Variants in CEP43 observed in about 807,000 individuals in gnomAD.
CEP43 encodes centrosomal protein 43, also known as FGFR1 oncogene partner.
CEP43 carries 36 observed loss-of-function variants against 52.6 expected under a neutral mutation model. That is an observed-to-expected ratio of 0.68 (90% CI 0.52 to 0.90). The LOEUF (loss-of-function observed/expected upper bound fraction) is 0.90. Ranked by LOEUF, CEP43 falls within the 40% of genes least tolerant of loss-of-function variation. The pLI, the probability that CEP43 is intolerant of heterozygous loss-of-function variation, is 0.00. For missense variants in CEP43, 506 were observed against 472.8 expected, an observed-to-expected ratio of 1.07 and a Z score of -0.65; for synonymous variants, 192 against 172.4, an observed-to-expected ratio of 1.11 and a Z score of -0.89.
chr6:167,030,142 A>G (rs1780435813), intron 10 of CEP43, among the ~76,000 whole-genome samples: 2 of 152,244 alleles, frequency 1.3e-5, no homozygotes, highest in Non-Finnish European at 2.9e-5. Flanking sequence ...TTGGGCTCAG[A>G]GGCCTGACAA....
At chr6:167,002,206 C>G (rs1052281095) in intron 2 of CEP43, among the ~76,000 whole-genome samples, 2 of 152,120 alleles carry the variant, frequency 1.3e-5, no homozygotes, top group South Asian at 2.1e-4. Context: ...CCCTCTCCCC[C>G]ACCCCAAACC....
Position 167,050,781 on chromosome 6 carries a change from G to GAAAAAAAAAAAAAAAAAAAAAAAA in CEP43, c.*10826_*10827insAAAAAAAAAAAAAAAAAAAAAAAA, listed in dbSNP as rs61698763. 2 of 96,404 alleles carry GAAAAAAAAAAAAAAAAAAAAAAAA rather than the reference G, an allele frequency of 2.1e-5. No homozygotes were observed. 6.0% of individuals were successfully genotyped at this position (96,404 alleles called of 1,614,324 possible). ...GGGTGACAGAGTGAGACTCAAAAAA[G>GAAAAAAAAAAAAAAAAAAAAAAAA]AAAAAAAAAAAAAAAAAAAAAAAGA... On this transcript the variant is annotated 3_prime_UTR_variant, in exon 13 of 13. Transcript: ENST00000366847.
chr6:167,020,822 T>C (rs951715668), intron 7 of CEP43, among the ~76,000 whole-genome samples: 6 of 146,662 alleles, frequency 4.1e-5, no homozygotes, highest in Non-Finnish European at 7.4e-5. Flanking sequence ...GGCAGGAGAA[T>C]CGCTTGAATC....
Position 166,999,464 on chromosome 6 carries a change from G to T in CEP43, c.52G>T (p.Asp18Tyr). The change falls in exon 1 of 13, where the codon GAC becomes TAC. Residue 18 changes from aspartate (D) to tyrosine (Y), a missense_variant. Coordinates refer to ENST00000366847, the MANE Select transcript of CEP43 (RefSeq NM_007045.4). ...VVAEEDTELR[D>Y]LLVQTLENSG... ...GGCCGAGGAGGACACGGAGCTGCGG[G>T]ACCTGCTGGTGCAGACGCTGGAGAA... 1.3e-6 allele frequency: 2 copies of T among 1,484,982 alleles called. No homozygotes were observed. Among genetic ancestry groups the T allele is most frequent in the Non-Finnish European group, 1.8e-6 (2 of 1,115,658 alleles). 92.0% of individuals were successfully genotyped at this position (1,484,982 alleles called of 1,614,324 possible). A position where few individuals can be genotyped will look rare whatever the true frequency, so the allele number is the denominator to read the frequency against.
At chr6:167,024,745 A>G (rs527422006) in intron 8 of CEP43, 37 bp from the exon 9 acceptor site, 6 of 1,435,112 alleles carry the variant, frequency 4.2e-6, no homozygotes, top group Non-Finnish European at 3.9e-6. Context: ...GTGGCAGAAC[A>G]TAAGAGCACC....
At chr6:167,022,026 T>C (rs1583282233) in intron 7 of CEP43, among the ~76,000 whole-genome samples, 1 of 152,174 alleles carries the variant, frequency 6.6e-6, no homozygotes, top group African/African-American at 2.4e-5. Context: ...AGATAACTTA[T>C]GAAGCAATGA....
intron 12 of CEP43, chr6:167,036,708 T>C: frequency 2.0e-6 from 2 of 983,316 alleles, no homozygotes; most frequent in South Asian, 9.4e-5. Context: ...TATTTTGTGA[T>C]GTAAAATCTA....
chr6:167,046,790 G>A lies in CEP43; in HGVS notation c.*6812G>A, dbSNP rs995069912. On this transcript the variant is annotated 3_prime_UTR_variant, in exon 13 of 13. Coordinates refer to ENST00000366847, the MANE Select transcript of CEP43 (RefSeq NM_007045.4). ...CATCCAACGACCATTCTGCCTCAGG[G>A]TAAGAGGCCCGGCCCTCTCAGCCTG... 1 of 152,296 alleles carries A rather than the reference G, an allele frequency of 6.6e-6. No homozygotes were observed. Among genetic ancestry groups the A allele is most frequent in the African/African-American group, 2.4e-5 (1 of 41,466 alleles). The allele number at this position is 152,296 out of a possible 1,614,324, so 9.4% of individuals were successfully genotyped here. A position where few individuals can be genotyped will look rare whatever the true frequency, so the allele number is the denominator to read the frequency against.
chr6:167,005,440 C>T (rs566854591), intron 5 of CEP43, among the ~76,000 whole-genome samples: 6 of 152,240 alleles, frequency 3.9e-5, no homozygotes, highest in African/African-American at 7.2e-5. Flanking sequence ...GAGGAGGAAG[C>T]GATTGTCACA....
In CEP43 at chr6:167,051,035, A is replaced by G. The variant is rs1392846845; in HGVS notation, c.*11057A>G. On this transcript the variant is annotated 3_prime_UTR_variant, in exon 13 of 13. Coordinates refer to ENST00000366847, the MANE Select transcript of CEP43 (RefSeq NM_007045.4). ...TTTGGTGGGCAGGGGTTTGTGTACT[A>G]AGAAACTAAATGTTTCTTGTGTACT... is the stretch of plus-strand genomic sequence containing the variant. 2 of 152,040 alleles carry G rather than the reference A, an allele frequency of 1.3e-5. No individual in the cohort carries two copies. The highest frequency in any genetic ancestry group is 3.2e-3 in the Middle Eastern group (1 of 316). The allele number at this position is 152,040 out of a possible 1,614,324, so 9.4% of individuals were successfully genotyped here. A position where few individuals can be genotyped will look rare whatever the true frequency, so the allele number is the denominator to read the frequency against.
chr6:167,011,029 C>CT, intron 6 of CEP43, 136 bp downstream of exon 6: 1 of 441,330 alleles, frequency 2.3e-6, no homozygotes, highest in South Asian at 9.8e-5. Context: ...CTTGAAGGTG[C>CT]TTTTTTTCCA....
rs1198678678 is a variant in CEP43 at position 167,052,614 on chromosome 6, T to C, written c.*12636T>C. On this transcript the variant is annotated 3_prime_UTR_variant, in exon 13 of 13. Transcript: ENST00000366847. ...TGGCTCCACGTACTCATAGTTTTCATGACAGACTTCATTGCGATAGTCAAA... is the reference window on the plus strand; with the variant it reads ...TGGCTCCACGTACTCATAGTTTTCACGACAGACTTCATTGCGATAGTCAAA... 2.6e-5 allele frequency: 4 copies of C among 152,268 alleles called. No individual in the cohort carries two copies. Among genetic ancestry groups the C allele is most frequent in the African/African-American group, 9.6e-5 (4 of 41,474 alleles). The allele number at this position is 152,268 out of a possible 1,614,324, so 9.4% of individuals were successfully genotyped here. A position where few individuals can be genotyped will look rare whatever the true frequency, so the allele number is the denominator to read the frequency against.
chr6:167,007,038 T>C (rs1269311929), intron 5 of CEP43, among the ~76,000 whole-genome samples: 1 of 152,250 alleles, frequency 6.6e-6, no homozygotes, highest in Admixed American at 6.5e-5. Flanking sequence ...ATTGATTCTA[T>C]TCCTGTGACT....
Position 167,044,285 on chromosome 6 carries a change from TA to T in CEP43, c.*4312del. ...AGAGGCTATATGAAAGAGGTTATAA[TA>T]AAAATGATTTTTGACTAAAAAATTG... On this transcript the variant is annotated 3_prime_UTR_variant, in exon 13 of 13. Transcript: ENST00000366847. The T allele has an allele frequency of 2.4e-6, 1 of 408,912 alleles. No individual in the cohort carries two copies. Among genetic ancestry groups the T allele is most frequent in the Non-Finnish European group, 3.3e-6 (1 of 302,860 alleles). The allele number at this position is 408,912 out of a possible 1,614,324, so 25.3% of individuals were successfully genotyped here.
rs1014253002 is a variant in CEP43 at position 167,045,121 on chromosome 6, T to C, written c.*5143T>C. The stretch of plus-strand genomic sequence containing the variant: ...GTATTTTTTTTTTCCTTTTTTTTTT[T>C]TGAGACTGAGTCACTGTCGCCCAGG... On this transcript the variant is annotated 3_prime_UTR_variant, in exon 13 of 13. Transcript: ENST00000366847. The C allele has an allele frequency of 7.3e-5, 11 of 151,572 alleles. No individual in the cohort carries two copies. Among genetic ancestry groups the C allele is most frequent in the African/African-American group, 2.7e-4 (11 of 41,290 alleles). The allele number at this position is 151,572 out of a possible 1,614,324, so 9.4% of individuals were successfully genotyped here.
At chr6:167,010,777 T>C in intron 5 of CEP43, 36 bp from the exon 6 acceptor site, 1 of 1,110,554 alleles carries the variant, frequency 9.0e-7, no homozygotes, top group Non-Finnish European at 1.3e-6. Context: ...TGTTTTATTT[T>C]TAAATGTATT....
In CEP43 at chr6:167,010,805, T is replaced by A; in HGVS notation, c.439-8T>A. 1 of 1,448,068 alleles carries A rather than the reference T, an allele frequency of 6.9e-7. No homozygotes were observed. Among genetic ancestry groups the A allele is most frequent in the South Asian group, 1.4e-5 (1 of 71,164 alleles). The allele number at this position is 1,448,068 out of a possible 1,614,324, so 89.7% of individuals were successfully genotyped here. The stretch of plus-strand genomic sequence containing the variant: ...AATGTATTTTAATTTTAAACTAAAA[T>A]ATTTTAGGGTGCACTTGATCTATCT... On this transcript the variant is annotated splice_polypyrimidine_tract_variant and splice_region_variant and intron_variant, in intron 5 of 12. Coordinates refer to ENST00000366847, the MANE Select transcript of CEP43 (RefSeq NM_007045.4).
At chr6:167,023,931 T>G (rs1404050147) in intron 8 of CEP43, among the ~76,000 whole-genome samples, 1 of 152,080 alleles carries the variant, frequency 6.6e-6, no homozygotes, top group African/African-American at 2.4e-5. Context: ...GTTGTAAAAG[T>G]GTGCAGAGGA....
intron 2 of CEP43, among the ~76,000 whole-genome samples, chr6:167,000,460 G>T (rs894590915): frequency 4.6e-5 from 7 of 152,154 alleles, no homozygotes; most frequent in African/African-American, 9.7e-5. Context: ...ATGAAACGGG[G>T]TATATAGTAT....
Sources: gnomAD v4.1 joint callset for allele counts (sites outside exome capture counted in the v4.1 genomes callset) on GRCh38, gnomAD v4.1.1 for gene constraint, MANE v1.5 for transcripts, NCBI Gene and HGNC (gene_info 2026-07-23, HGNC 2026-07-21) for gene names.